Variants in CATSPERT observed in about 807,000 individuals in gnomAD.
The protein encoded by CATSPERT is catsper channel auxiliary subunit tau.
chr2:201,583,539 G>T, the CATSPERT span, among the ~76,000 whole-genome samples: 12 of 152,116 alleles, frequency 7.9e-5, no homozygotes, highest in Non-Finnish European at 2.9e-5. Context: ...TGTATATTTT[G>T]TCATAACATA....
At chr2:201,494,170 T>G in the CATSPERT span, 1 of 1,532,978 alleles carries the variant, frequency 6.5e-7, no homozygotes, top group South Asian at 1.2e-5. Flanking sequence ...TTCCAATACG[T>G]TGTCTTCCAT....
chr2:201,535,059 C>G, the CATSPERT span: 1 of 838,170 alleles, frequency 1.2e-6, no homozygotes, highest in South Asian at 5.4e-5. Context: ...TTACATTTCT[C>G]TCCATTTTCT....
chr2:201,537,516 TA>T, the CATSPERT span: 1 of 1,417,172 alleles, frequency 7.1e-7, no homozygotes, highest in Non-Finnish European at 9.5e-7. Flanking sequence ...TTATTTTACA[TA>T]AAAACAATAA....
chr2:201,530,414 G>T, the CATSPERT span, among the ~76,000 whole-genome samples: 3 of 152,154 alleles, frequency 2.0e-5, no homozygotes, highest in Non-Finnish European at 4.4e-5. Context: ...GGAATACTAC[G>T]CAGCCTTAAA....
At chr2:201,518,211 T>C in the CATSPERT span, among the ~76,000 whole-genome samples, 1 of 152,152 alleles carries the variant, frequency 6.6e-6, no homozygotes, top group Non-Finnish European at 1.5e-5. Context: ...TTATGGTGGT[T>C]GGGGTGGAGG....
At chr2:201,491,351 A>G in the CATSPERT span, 1 of 1,537,610 alleles carries the variant, frequency 6.5e-7, no homozygotes, top group South Asian at 1.2e-5. Flanking sequence ...ATCTTAAATA[A>G]TTCTGGGAAG....
At chr2:201,581,053 A>T in the CATSPERT span, among the ~76,000 whole-genome samples, 1 of 152,170 alleles carries the variant, frequency 6.6e-6, no homozygotes, top group South Asian at 2.1e-4. Flanking sequence ...GCCATTCTAC[A>T]ATGTATACAT....
chr2:201,517,203 A>G, the CATSPERT span, among the ~76,000 whole-genome samples: 1 of 152,010 alleles, frequency 6.6e-6, no homozygotes, highest in Non-Finnish European at 1.5e-5. Flanking sequence ...CCACTAAGGG[A>G]GAGTGAGCAA....
At chr2:201,605,130 G>A in the CATSPERT span, among the ~76,000 whole-genome samples, 2 of 150,998 alleles carry the variant, frequency 1.3e-5, no homozygotes, top group South Asian at 2.1e-4. Flanking sequence ...ACATATACAT[G>A]CACATGCACA....
the CATSPERT span, among the ~76,000 whole-genome samples, chr2:201,563,521 A>G: frequency 1.3e-5 from 2 of 150,020 alleles, no homozygotes; most frequent in South Asian, 4.2e-4. Context: ...GGGGCTCCTC[A>G]CTTCCCAGTA....
chr2:201,496,098 C>A, the CATSPERT span: 1 of 518,898 alleles, frequency 1.9e-6, no homozygotes, highest in Non-Finnish European at 3.3e-6. Context: ...AACAACTATA[C>A]CTTGCCAATT....
At chr2:201,598,360 C>A in the CATSPERT span, among the ~76,000 whole-genome samples, 1 of 152,032 alleles carries the variant, frequency 6.6e-6, no homozygotes, top group Non-Finnish European at 1.5e-5. Flanking sequence ...CTGCTTTGGC[C>A]TCCCAAAATC....
the CATSPERT span, among the ~76,000 whole-genome samples, chr2:201,505,145 G>A: frequency 1.3e-5 from 2 of 152,052 alleles, no homozygotes; most frequent in African/African-American, 4.8e-5. Flanking sequence ...TGTTGCCCAG[G>A]CTGGAGTGCA....
chr2:201,502,571 CAAAA>C, the CATSPERT span, among the ~76,000 whole-genome samples: 10 of 94,996 alleles, frequency 1.1e-4, no homozygotes, highest in East Asian at 1.3e-3. Flanking sequence ...GACTCCATCT[CAAAA>C]AAAAAAAAAA....
the CATSPERT span, among the ~76,000 whole-genome samples, chr2:201,556,496 A>G: frequency 6.8e-6 from 1 of 147,946 alleles, no homozygotes; most frequent in Non-Finnish European, 1.5e-5. Flanking sequence ...CGACAAAGCA[A>G]GACTCCACTT....
the CATSPERT span, among the ~76,000 whole-genome samples, chr2:201,587,159 T>G: frequency 6.6e-6 from 1 of 152,218 alleles, no homozygotes; most frequent in Non-Finnish European, 1.5e-5. Flanking sequence ...ATTCTGGCCA[T>G]GTATTGCACT....
At chr2:201,491,283 C>T in the CATSPERT span, 90 of 1,537,832 alleles carry the variant, frequency 5.9e-5, 1 homozygote, top group African/African-American at 9.3e-4. Context: ...TGTTAAATGA[C>T]TTTTTTGGTT....
At chr2:201,578,065 G>C in the CATSPERT span, among the ~76,000 whole-genome samples, 13 of 152,112 alleles carry the variant, frequency 8.5e-5, no homozygotes, top group Non-Finnish European at 1.6e-4. Context: ...ATATGGAATT[G>C]TATGCAGCAG....
chr2:201,527,154 T>G, the CATSPERT span, among the ~76,000 whole-genome samples: 3 of 89,864 alleles, frequency 3.3e-5, no homozygotes, highest in African/African-American at 8.7e-5. Context: ...ACAATCCCAT[T>G]CACATAGCCA....
Sources: allele counts gnomAD v4.1 joint callset (sites outside exome capture counted in the v4.1 genomes callset), GRCh38; gene constraint gnomAD v4.1.1; transcripts MANE v1.5; gene names NCBI Gene and HGNC (gene_info 2026-07-23, HGNC 2026-07-21).